The following MLN variants were observed in gnomAD, a reference collection of about 807,000 sequenced individuals.
MLN encodes promotilin.
MLN carries 14 observed loss-of-function variants against 13.3 expected under a neutral mutation model. The ratio of observed to expected loss-of-function variants is 1.05; its 90% confidence interval spans 0.69 to 1.64. The LOEUF is 1.64. Ranked by LOEUF, MLN falls within the 40% of genes most tolerant of loss-of-function variation. The probability of loss-of-function intolerance (pLI) is 0.00; values close to 1 mark genes in which losing one functional copy is unlikely to be tolerated. For missense variants in MLN, 122 were observed against 142.9 expected (o/e 0.85, Z 0.75); for synonymous variants, 59 against 54.7 (o/e 1.08, Z -0.34).
At chr6:33,794,910 G>A (rs1767873383) in intron 4 of MLN, 75 bp from the exon 5 acceptor site, 1 of 1,580,324 alleles carries the variant, frequency 6.3e-7, no homozygotes, top group Non-Finnish European at 8.6e-7. Flanking sequence ...AAACTTGCCT[G>A]CAGGTCGGAG....
Position 33,799,112 on chromosome 6 carries a change from A to G in MLN, c.227T>C (p.Met76Thr). ...TCCCAGTTGTCTGCTCACCTTGATC[A>G]TTTCGTTTTCTTCTTCCCTGATGGG... is the stretch of plus-strand genomic sequence containing the variant. ...AEPIREEENE[M>T]IKLTAPLEIG... The change falls in exon 3 of 5, where the codon ATG becomes ACG. Residue 76 changes from methionine (M) to threonine (T), a missense_variant. Coordinates refer to ENST00000430124, the MANE Select transcript of MLN (RefSeq NM_002418.3). This position sits in a 1 kb window ranked among gnomAD's most constrained non-coding sequence, Gnocchi z 4.6. The G allele has an allele frequency of 6.2e-7, 1 of 1,603,134 alleles. No homozygotes were observed.
chr6:33,802,372 C>A (rs1477434784), intron 1 of MLN, among the ~76,000 whole-genome samples: 1 of 152,174 alleles, frequency 6.6e-6, no homozygotes, highest in Non-Finnish European at 1.5e-5. Flanking sequence ...AGATAAAGCG[C>A]TCCTCCAGTC....
intron 3 of MLN, 82 bp from the exon 4 acceptor site, chr6:33,795,687 G>A (rs1582272504): frequency 1.6e-6 from 2 of 1,215,800 alleles, no homozygotes; most frequent in East Asian, 5.1e-5. Flanking sequence ...TGGCAGGAGG[G>A]ACCCTTGGGA....
In MLN at chr6:33,799,729, TGGTGCCTGGCA is replaced by T. The variant is rs1768002445; in HGVS notation, c.118-519_118-509del. On this transcript the variant is annotated intron_variant, in intron 2 of 4. Transcript: ENST00000430124. The surrounding 1 kb of genome is among the most constrained non-coding windows in gnomAD (Gnocchi z 4.6). The stretch of plus-strand genomic sequence containing the variant: ...GTTTGTAGCTTCTTCATAAAAATCC[TGGTGCCTGGCA>T]ATTATGAGGAGAAAAGCCATGGAGC... Among the ~76,000 whole-genome samples, 1 of 152,190 alleles carries T rather than the reference TGGTGCCTGGCA, an allele frequency of 6.6e-6. No individual in the cohort carries two copies. Among genetic ancestry groups the T allele is most frequent in the Admixed American group, 6.5e-5 (1 of 15,288 alleles).
At chr6:33,796,963 C>T (rs1767940050) in intron 3 of MLN, among the ~76,000 whole-genome samples, 1 of 152,212 alleles carries the variant, frequency 6.6e-6, no homozygotes, top group South Asian at 2.1e-4. Context: ...TCTGAGTGTG[C>T]TCCCTGCTCA....
chr6:33,795,619 C>T lies in MLN; in HGVS notation c.235-14G>A. The T allele has an allele frequency of 6.4e-7, 1 of 1,551,004 alleles. No homozygotes were observed. On this transcript the variant is annotated splice_polypyrimidine_tract_variant and intron_variant, in intron 3 of 4. Transcript: ENST00000430124. ...AGGAGCAGTCAGCTGTGAAATAAGGCAGCGTTAACAACGAGGGAGAGGTGG... is the reference window on the plus strand; with the variant it reads ...AGGAGCAGTCAGCTGTGAAATAAGGTAGCGTTAACAACGAGGGAGAGGTGG...
intron 1 of MLN, among the ~76,000 whole-genome samples, chr6:33,802,291 C>T (rs1360998219): frequency 6.6e-6 from 1 of 152,154 alleles, no homozygotes; most frequent in East Asian, 1.9e-4. Context: ...GCCAGGCCTC[C>T]AAGCAGGGAG....
intron 3 of MLN, among the ~76,000 whole-genome samples, chr6:33,796,403 T>C (rs1015552479): frequency 2.0e-5 from 3 of 152,168 alleles, no homozygotes; most frequent in African/African-American, 7.2e-5. Flanking sequence ...ACCTTTCCTC[T>C]TGTTGTCTGG....
chr6:33,799,070 T>G lies in MLN; in HGVS notation c.234+35A>C. On this transcript the variant is annotated intron_variant, in intron 3 of 4. Transcript: ENST00000430124. The surrounding 1 kb of genome is among the most constrained non-coding windows in gnomAD (Gnocchi z 4.6). ...AGGCAGGGGAATGCATGCCCTGCTC[T>G]GAGTTTCTCTCCTTTGTCCCAGTTG... is the stretch of plus-strand genomic sequence containing the variant. The G allele has an allele frequency of 1.3e-4, 192 of 1,473,342 alleles. No individual in the cohort carries two copies. Among genetic ancestry groups the G allele is most frequent in the Non-Finnish European group, 1.7e-4 (178 of 1,056,496 alleles). 91.3% of individuals were successfully genotyped at this position (1,473,342 alleles called of 1,614,324 possible). A position where few individuals can be genotyped will look rare whatever the true frequency, so the allele number is the denominator to read the frequency against.
At chr6:33,797,916 A>G (rs1370483676) in intron 3 of MLN, among the ~76,000 whole-genome samples, 1 of 152,168 alleles carries the variant, frequency 6.6e-6, no homozygotes, top group Non-Finnish European at 1.5e-5. Flanking sequence ...TGAAGTCCAC[A>G]GTCTGCCCCT....
intron 3 of MLN, among the ~76,000 whole-genome samples, chr6:33,797,242 A>G (rs931566783): frequency 6.6e-6 from 1 of 152,048 alleles, no homozygotes; most frequent in African/African-American, 2.4e-5. Flanking sequence ...AGGCCCCTTT[A>G]TGTGGTAGCG....
chr6:33,801,942 T>A (rs1306490771), intron 1 of MLN, among the ~76,000 whole-genome samples: 5 of 152,150 alleles, frequency 3.3e-5, no homozygotes, highest in Non-Finnish European at 7.3e-5. Flanking sequence ...CATTGGGCTT[T>A]AGTGGGCTTT....
rs1767994514 is a variant in MLN at position 33,799,277 on chromosome 6, G to A, written c.118-56C>T. 7.9e-7 allele frequency: 1 copy of A among 1,273,644 alleles called. No individual in the cohort carries two copies. The highest frequency in any genetic ancestry group is 1.1e-6 in the Non-Finnish European group (1 of 879,984). The allele number at this position is 1,273,644 out of a possible 1,614,324, so 78.9% of individuals were successfully genotyped here. A position where few individuals can be genotyped will look rare whatever the true frequency, so the allele number is the denominator to read the frequency against. On this transcript the variant is annotated intron_variant, in intron 2 of 4. Coordinates refer to ENST00000430124, the MANE Select transcript of MLN (RefSeq NM_002418.3). The surrounding 1 kb of genome is among the most constrained non-coding windows in gnomAD (Gnocchi z 4.6). ...CGCCCTCCCTCAACCCACGCTGATG[G>A]CCCCTTGCCTGTCTCCATCTGCCCA...
At chr6:33,795,036 C>T in intron 4 of MLN, among the ~76,000 whole-genome samples, 1 of 152,246 alleles carries the variant, frequency 6.6e-6, no homozygotes, top group Non-Finnish European at 1.5e-5. Flanking sequence ...CCATCACTAA[C>T]AGCACTTCCT....
chr6:33,796,423 A>T (rs918859518), intron 3 of MLN, among the ~76,000 whole-genome samples: 1 of 152,158 alleles, frequency 6.6e-6, no homozygotes, highest in African/African-American at 2.4e-5. Flanking sequence ...GAGACTCTCC[A>T]CCAAAGAGGT....
intron 3 of MLN, 93 bp from the exon 4 acceptor site, chr6:33,795,698 G>T: frequency 9.7e-7 from 1 of 1,034,302 alleles, no homozygotes; most frequent in Non-Finnish European, 1.5e-6. Context: ...ACCCTTGGGA[G>T]CCACACCACC....
rs3806107 is a variant in MLN at position 33,799,636 on chromosome 6, C to T, written c.118-415G>A. Among the ~76,000 whole-genome samples, 22,760 of 151,982 alleles carry T rather than the reference C, an allele frequency of 0.15. 1,831 individuals are homozygous for T. The highest frequency in any genetic ancestry group is 0.25 in the Middle Eastern group (74 of 294). ...CCTGGGAGGGTGCCATGGGGTGGCC[C>T]GGGAACTCAGAGTCCCTGGGAGGTG... On this transcript the variant is annotated intron_variant, in intron 2 of 4. Transcript: ENST00000430124. The surrounding 1 kb of genome is among the most constrained non-coding windows in gnomAD (Gnocchi z 4.6).
At position 33,794,847 on chromosome 6, in the gene MLN, C is replaced by T. The variant is rs773080154; in HGVS notation, c.338-12G>A. 124 of 1,613,514 alleles carry T rather than the reference C, an allele frequency of 7.7e-5. No individual in the cohort carries two copies. Among genetic ancestry groups the T allele is most frequent in the Non-Finnish European group, 9.3e-5 (110 of 1,179,778 alleles). ...CCATCACTTGGCTGCTGGAGAAAAG[C>T]AGAGGTTTGCGCTCAGTACCATCAT... On this transcript the variant is annotated splice_polypyrimidine_tract_variant and intron_variant, in intron 4 of 4. Transcript: ENST00000430124.
At chr6:33,796,608 C>T (rs918617101) in intron 3 of MLN, among the ~76,000 whole-genome samples, 4 of 152,234 alleles carry the variant, frequency 2.6e-5, no homozygotes, top group African/African-American at 7.2e-5. Flanking sequence ...TGCCTCCCAC[C>T]GGGCTCCCTG....
Sources: gnomAD v4.1 joint callset for allele counts (sites outside exome capture counted in the v4.1 genomes callset) on GRCh38, gnomAD v4.1.1 for gene constraint, Gnocchi (gnomAD v3.1) non-coding constraint, MANE v1.5 for transcripts, NCBI Gene and HGNC (gene_info 2026-07-23, HGNC 2026-07-21) for gene names.